HTT: variants seen among roughly 807,000 people sequenced by gnomAD.
HTT encodes huntingtin.
A neutral mutation model predicts 362.3 loss-of-function variants in HTT; 104 were observed. That is an observed-to-expected ratio of 0.29 (90% CI 0.24 to 0.34). The LOEUF (loss-of-function observed/expected upper bound fraction) is 0.34. HTT is among the 10% of genes least tolerant of loss of function. The probability of loss-of-function intolerance (pLI) is 1.00; values close to 1 mark genes in which losing one functional copy is unlikely to be tolerated. For missense variants in HTT, 3,301 were observed against 3,928.6 expected, an observed-to-expected ratio of 0.84 and a Z score of 4.27; for synonymous variants, 1,577 against 1,548.7, an observed-to-expected ratio of 1.02 and a Z score of -0.43.
chr4:3,097,145 T>C (rs1713895858), intron 2 of HTT, among the ~76,000 whole-genome samples: 1 of 152,054 alleles, frequency 6.6e-6, no homozygotes, highest in Admixed American at 6.6e-5. Flanking sequence ...ACTAGAAGAA[T>C]GGACATCATA....
chr4:3,107,412 A>C lies in HTT; in HGVS notation c.736A>C (p.Asn246His). The C allele has an allele frequency of 6.2e-7, 1 of 1,614,204 alleles. No homozygotes were observed. The highest frequency in any genetic ancestry group is 8.5e-7 in the Non-Finnish European group (1 of 1,180,024). ...MASFGNFAND[N>H]EIKVLLKAFI... ...TTCTTTTGGCAATTTTGCAAATGACAATGAAATTAAGGTATGATTGTTGCC... is the reference window on the plus strand; with the variant it reads ...TTCTTTTGGCAATTTTGCAAATGACCATGAAATTAAGGTATGATTGTTGCC... Residue 246 changes from asparagine to histidine, a missense_variant, in exon 6 of 67, where the codon AAT becomes CAT. By Grantham distance (68) the Asn-to-His change is moderately conservative. Around this residue, in one of 4 missense-constraint regions of HTT, gnomAD observed 2,316 missense variants for 2,658.5 expected, o/e 0.87. Transcript: ENST00000355072.
rs965207457 is a variant in HTT at position 3,206,411 on chromosome 4, T to C, written c.5719-85T>C. 40 of 1,013,528 alleles carry C rather than the reference T, an allele frequency of 3.9e-5. No individual in the cohort carries two copies. Among genetic ancestry groups the C allele is most frequent in the Non-Finnish European group, 5.7e-5 (37 of 652,978 alleles). 62.8% of individuals were successfully genotyped at this position (1,013,528 alleles called of 1,614,324 possible). A position where few individuals can be genotyped will look rare whatever the true frequency, so the allele number is the denominator to read the frequency against. ...TATTTGGGATGTGTTTTCTCCTTCT[T>C]ACCCTTTCTGGCCTTTCTATGGCAT... On this transcript the variant is annotated intron_variant, in intron 42 of 66. Coordinates refer to ENST00000355072, the MANE Select transcript of HTT (RefSeq NM_001388492.1). The surrounding 1 kb of genome is among the most constrained non-coding windows in gnomAD (Gnocchi z 4.6).
rs976153379 is a variant in HTT, at chr4:3,106,682, G to T, written c.609-603G>T. 9.9e-5 allele frequency among the ~76,000 whole-genome samples: 15 copies of T among 151,454 alleles called. No homozygotes were observed. The East Asian group carries it at 2.9e-3, about 29-fold the overall frequency. ...AGTCAGGTTTTTCTTCCTCCTGATG[G>T]TTTTTTTTTCCCCCTTAGTTCTCAG... On this transcript the variant is annotated intron_variant, in intron 5 of 66. Transcript: ENST00000355072.
intron 40 of HTT, among the ~76,000 whole-genome samples, chr4:3,192,992 G>A (rs1719078584): frequency 6.6e-6 from 1 of 152,348 alleles, no homozygotes; most frequent in Middle Eastern, 3.4e-3. Context: ...AAGAACAGTA[G>A]TGCAGTGACA....
At chr4:3,167,831 T>C (rs1284217924) in intron 29 of HTT, among the ~76,000 whole-genome samples, 1 of 152,230 alleles carries the variant, frequency 6.6e-6, no homozygotes, top group Non-Finnish European at 1.5e-5. Flanking sequence ...GGCATAAGAA[T>C]AACTGGATAA....
intron 8 of HTT, among the ~76,000 whole-genome samples, chr4:3,120,374 G>A (rs1330863741): frequency 6.6e-6 from 1 of 152,106 alleles, no homozygotes; most frequent in African/African-American, 2.4e-5. Flanking sequence ...GTAATTAAAG[G>A]GAAAAAGAAT....
At chr4:3,225,298 C>T (rs1211724930) in intron 56 of HTT, among the ~76,000 whole-genome samples, 1 of 152,218 alleles carries the variant, frequency 6.6e-6, no homozygotes, top group East Asian at 1.9e-4. Flanking sequence ...AGCTTGCCTG[C>T]CTGGACTGTC....
intron 47 of HTT, among the ~76,000 whole-genome samples, chr4:3,210,629 T>C (rs1345946537): frequency 6.6e-6 from 1 of 152,038 alleles, no homozygotes; most frequent in African/African-American, 2.4e-5. Context: ...ACCTCTTGGG[T>C]ATGGTGCAGC....
At chr4:3,103,504 G>A (rs1348049078) in intron 3 of HTT, among the ~76,000 whole-genome samples, 11 of 152,076 alleles carry the variant, frequency 7.2e-5, no homozygotes, top group African/African-American at 2.4e-4. Flanking sequence ...GGGATTACAG[G>A]CATGAGCCAC....
intron 29 of HTT, among the ~76,000 whole-genome samples, chr4:3,160,621 TAGACCC>T (rs770478071): frequency 6.6e-6 from 1 of 152,202 alleles, no homozygotes; most frequent in Non-Finnish European, 1.5e-5. Flanking sequence ...TGTATTAGCT[TAGACCC>T]AGTTTAGTTT....
rs1362522551 is a variant in HTT at position 3,243,698 on chromosome 4, ACCTG to A, written c.*3643_*3646del. Reference sequence around the variant, plus strand: ...CCTTGGAGGATCGTGGCCAACGTGGACCTGCCTACGGAGGGTGGGCTCTGACCCA... The same window carrying A: ...CCTTGGAGGATCGTGGCCAACGTGGACCTACGGAGGGTGGGCTCTGACCCA... On this transcript the variant is annotated 3_prime_UTR_variant, in exon 67 of 67. Coordinates refer to ENST00000355072, the MANE Select transcript of HTT (RefSeq NM_001388492.1). 6.6e-6 allele frequency: 1 copy of A among 152,242 alleles called. No homozygotes were observed. The highest frequency in any genetic ancestry group is 2.4e-5 in the African/African-American group (1 of 41,454). 9.4% of individuals were successfully genotyped at this position (152,242 alleles called of 1,614,324 possible). A position where few individuals can be genotyped will look rare whatever the true frequency, so the allele number is the denominator to read the frequency against.
chr4:3,147,841 C>T (rs972329873), intron 25 of HTT, among the ~76,000 whole-genome samples, 164 bp from the exon 26 acceptor site: 6 of 152,134 alleles, frequency 3.9e-5, no homozygotes, highest in East Asian at 1.9e-4. Context: ...CAGATTTGTG[C>T]GGGAAACATC....
chr4:3,233,645 G>A (rs949370890), intron 61 of HTT, among the ~76,000 whole-genome samples: 11 of 152,186 alleles, frequency 7.2e-5, no homozygotes, highest in Non-Finnish European at 1.3e-4. Flanking sequence ...CGAGGCCATC[G>A]GCTCTCATTC....
At chr4:3,198,524 C>G (rs1719374656) in intron 40 of HTT, among the ~76,000 whole-genome samples, 1 of 152,216 alleles carries the variant, frequency 6.6e-6, no homozygotes, top group Admixed American at 6.5e-5. Context: ...CACACCCGGC[C>G]TGAAATTTAA....
intron 18 of HTT, among the ~76,000 whole-genome samples, chr4:3,134,112 T>C (rs2110191308): frequency 6.6e-6 from 1 of 152,284 alleles, no homozygotes; most frequent in East Asian, 1.9e-4. Flanking sequence ...CTGTAACTGA[T>C]CAATGTTTGT....
At chr4:3,188,124 G>T in intron 39 of HTT, 1 of 407,638 alleles carries the variant, frequency 2.5e-6, no homozygotes, top group East Asian at 4.4e-5. Context: ...CTACAGCAGT[G>T]GCTCGCCTCA....
intron 6 of HTT, among the ~76,000 whole-genome samples, chr4:3,110,358 G>A (rs891320076): frequency 6.6e-5 from 10 of 152,138 alleles, no homozygotes; most frequent in African/African-American, 2.2e-4. Flanking sequence ...TACTGAATCA[G>A]TTTTTCCCCA....
chr4:3,081,624 T>A (rs888134041), intron 1 of HTT, among the ~76,000 whole-genome samples: 5 of 146,312 alleles, frequency 3.4e-5, no homozygotes, highest in African/African-American at 1.3e-4. Flanking sequence ...AGTGGCGCGA[T>A]CTCGGCTCAC....
rs1381093388 is a variant in HTT, at chr4:3,243,295, A to G, written c.*3236A>G. 1 of 152,552 alleles carries G rather than the reference A, an allele frequency of 6.6e-6. No homozygotes were observed. Among genetic ancestry groups the G allele is most frequent in the Non-Finnish European group, 1.5e-5 (1 of 68,044 alleles). The allele number at this position is 152,552 out of a possible 1,614,324, so 9.4% of individuals were successfully genotyped here. ...AGCATCCTTCCCAGCAGACATCCTCATCGGGCTTTGTCCCTCCCCCGCTTC... is the reference window on the plus strand; with the variant it reads ...AGCATCCTTCCCAGCAGACATCCTCGTCGGGCTTTGTCCCTCCCCCGCTTC... On this transcript the variant is annotated 3_prime_UTR_variant, in exon 67 of 67. Coordinates refer to ENST00000355072, the MANE Select transcript of HTT (RefSeq NM_001388492.1).
Sources: allele counts gnomAD v4.1 joint callset (sites outside exome capture counted in the v4.1 genomes callset), GRCh38; gene constraint gnomAD v4.1.1; regional missense constraint gnomAD v4.1.1; non-coding constraint Gnocchi (gnomAD v3.1); transcripts MANE v1.5; gene names NCBI Gene and HGNC (gene_info 2026-07-23, HGNC 2026-07-21).